The following SLC6A4 variants were observed in gnomAD, a reference collection of about 807,000 sequenced individuals.
SLC6A4 encodes sodium-dependent serotonin transporter.
SLC6A4 carries 22 observed loss-of-function variants against 73.4 expected under a neutral mutation model. The ratio of observed to expected loss-of-function variants is 0.30; its 90% confidence interval spans 0.21 to 0.43. The LOEUF (loss-of-function observed/expected upper bound fraction) is 0.43, where lower values mean the gene tolerates loss of function less well. SLC6A4 is among the 20% of genes least tolerant of loss of function. The pLI is 1.00. For missense variants in SLC6A4, 593 were observed against 808.5 expected (o/e 0.73, Z 3.23); for synonymous variants, 270 against 315.5 (o/e 0.86, Z 1.53).
Position 30,197,273 on chromosome 17 carries a change from C to T in SLC6A4, c.*1183G>A, listed in dbSNP as rs1905892381. ...CCTTAAAAATTATCTGGAGGGCTCACAATCGTGACCGCCAGCGAGCGGCGA... is the reference window on the plus strand; with the variant it reads ...CCTTAAAAATTATCTGGAGGGCTCATAATCGTGACCGCCAGCGAGCGGCGA... On this transcript the variant is annotated 3_prime_UTR_variant, in exon 15 of 15. Coordinates refer to ENST00000650711, the MANE Select transcript of SLC6A4 (RefSeq NM_001045.6). 1 of 152,366 alleles carries T rather than the reference C, an allele frequency of 6.6e-6. No individual in the cohort carries two copies. Among genetic ancestry groups the T allele is most frequent in the African/African-American group, 2.4e-5 (1 of 41,460 alleles). 9.4% of individuals were successfully genotyped at this position (152,366 alleles called of 1,614,324 possible).
At chr17:30,206,707 C>CTTTTCTTTTCTTTTTTTTTTTT (rs1906211549) in intron 13 of SLC6A4, among the ~76,000 whole-genome samples, 1 of 114,540 alleles carries the variant, frequency 8.7e-6, no homozygotes, top group Admixed American at 8.5e-5. Flanking sequence ...TTTTTCTTTT[C>CTTTTCTTTTCTTTTTTTTTTTT]TTTTCTTTTT....
intron 7 of SLC6A4, 114 bp downstream of exon 7, chr17:30,215,968 C>A: frequency 1.1e-6 from 1 of 947,418 alleles, no homozygotes; most frequent in Non-Finnish European, 1.6e-6. Flanking sequence ...AGTATCATTG[C>A]AGACTTGCAC....
chr17:30,221,544 C>T lies in SLC6A4; in HGVS notation c.343+72G>A, dbSNP rs558937349. On this transcript the variant is annotated intron_variant, in intron 3 of 14. Coordinates refer to ENST00000650711, the MANE Select transcript of SLC6A4 (RefSeq NM_001045.6). ...CAGCCCACCCGGGTCACAGCCCACC[C>T]CGGGTCACAGCCCACTCCGGGTCAC... 2.3e-5 allele frequency: 32 copies of T among 1,404,606 alleles called. No individual in the cohort carries two copies. In the South Asian group the frequency reaches 3.6e-4, roughly 16 times the overall value. The allele number at this position is 1,404,606 out of a possible 1,614,324, so 87.0% of individuals were successfully genotyped here.
chr17:30,204,911 A>G (rs974495629), intron 13 of SLC6A4, among the ~76,000 whole-genome samples: 8 of 152,146 alleles, frequency 5.3e-5, no homozygotes, highest in Admixed American at 6.5e-5. Flanking sequence ...GTGCATCAAG[A>G]GTGTACCCAG....
chr17:30,207,827 T>A lies in SLC6A4; in HGVS notation c.1555A>T (p.Thr519Ser), dbSNP rs776642079. 1.2e-6 allele frequency: 2 copies of A among 1,613,368 alleles called. No homozygotes were observed. The highest frequency in any genetic ancestry group is 2.2e-5 in the South Asian group (2 of 91,036). ...TCCTTCACGTCCCTGCAGAACTGAG[T>A]GATGCCTGGAACCGCCCAAGGGGAA... ...AVAVSWFYGI[T>S]QFCRDVKEML... The change falls in exon 13 of 15, where the codon ACT (threonine) becomes TCT (serine). Residue 519 changes from threonine (T) to serine (S), a missense_variant. Transcript: ENST00000650711.
intron 1 of SLC6A4, among the ~76,000 whole-genome samples, chr17:30,226,877 A>AAAAAAAAAAAAAAAAAG (rs965167639): frequency 8.3e-6 from 1 of 119,924 alleles, no homozygotes; most frequent in African/African-American, 3.3e-5. Context: ...TGTCTCAAAA[A>AAAAAAAAAAAAAAAAAG]AAAAAGAAAA....
chr17:30,229,091 G>T (rs553931054), intron 1 of SLC6A4, among the ~76,000 whole-genome samples: 1 of 152,170 alleles, frequency 6.6e-6, no homozygotes, highest in African/African-American at 2.4e-5. Context: ...CTCACCCATC[G>T]GGAAGATTGG....
rs1003468940 is a variant in SLC6A4 at position 30,196,472 on chromosome 17, T to A, written c.*1984A>T. 2 of 152,328 alleles carry A rather than the reference T, an allele frequency of 1.3e-5. No homozygotes were observed. Among genetic ancestry groups the A allele is most frequent in the Non-Finnish European group, 2.9e-5 (2 of 68,032 alleles). 9.4% of individuals were successfully genotyped at this position (152,328 alleles called of 1,614,324 possible). A position where few individuals can be genotyped will look rare whatever the true frequency, so the allele number is the denominator to read the frequency against. ...AATTCTGTTTGAAAAGGTGTTTTTTTAAAAGTAGTATATTTGAACAATGTC... is the reference window on the plus strand; with the variant it reads ...AATTCTGTTTGAAAAGGTGTTTTTTAAAAAGTAGTATATTTGAACAATGTC... On this transcript the variant is annotated 3_prime_UTR_variant, in exon 15 of 15. Coordinates refer to ENST00000650711, the MANE Select transcript of SLC6A4 (RefSeq NM_001045.6).
Position 30,212,831 on chromosome 17 carries a change from C to T in SLC6A4, c.1113G>A (p.Thr371=), listed in dbSNP as rs762579355. 3.7e-6 allele frequency: 6 copies of T among 1,614,100 alleles called. No individual in the cohort carries two copies. Among genetic ancestry groups the T allele is most frequent in the Non-Finnish European group, 5.1e-6 (6 of 1,179,990 alleles). The change falls in exon 9 of 15, where the codon ACG becomes ACA. Residue 371 remains threonine (T), a synonymous_variant. Coordinates refer to ENST00000650711, the MANE Select transcript of SLC6A4 (RefSeq NM_001045.6). ...AGATGACAAATCCCGAAACGAAGCTCGTCATGCAGTTCACCACGCTGGTCA... is the reference window on the plus strand; with the variant it reads ...AGATGACAAATCCCGAAACGAAGCTTGTCATGCAGTTCACCACGCTGGTCA... ...ALVTSVVNCM[T]SFVSGFVIFT...
At chr17:30,222,639 C>T (rs55910517) in intron 2 of SLC6A4, among the ~76,000 whole-genome samples, 180 bp downstream of exon 2, 54 of 152,344 alleles carry the variant, frequency 3.5e-4, no homozygotes, top group African/African-American at 1.3e-3. Flanking sequence ...AAAGGCCACC[C>T]TTCGTGAGGC....
intron 3 of SLC6A4, among the ~76,000 whole-genome samples, chr17:30,219,530 A>G (rs1309095186): frequency 3.3e-5 from 5 of 152,198 alleles, no homozygotes; most frequent in Non-Finnish European, 7.3e-5. Flanking sequence ...CATCAGTATT[A>G]TCTATGGCTC....
In SLC6A4 at chr17:30,221,918, G is replaced by A. The variant is rs763069645; in HGVS notation, c.41C>T (p.Ala14Val). The A allele has an allele frequency of 1.7e-5, 28 of 1,613,986 alleles. No homozygotes were observed. The highest frequency in any genetic ancestry group is 2.3e-5 in the Non-Finnish European group (27 of 1,180,028). The change falls in exon 3 of 15, where the codon GCG becomes GTG. Residue 14 changes from alanine (A) to valine (V), a missense_variant. By Grantham distance (64) the Ala-to-Val change is moderately conservative. Transcript: ENST00000650711. ...CTGACAATCTTCTCCATCTTCACAC[G>A]CTGATAGCTGCTTCTGAGAATTCAA... ...TPLNSQKQLS[A>V]CEDGEDCQEN...
chr17:30,208,539 G>A (rs540433569), intron 12 of SLC6A4, among the ~76,000 whole-genome samples: 2 of 152,140 alleles, frequency 1.3e-5, no homozygotes, highest in East Asian at 3.9e-4. Flanking sequence ...GAACTTGGTC[G>A]TCTGAATTGC....
intron 1 of SLC6A4, among the ~76,000 whole-genome samples, chr17:30,227,498 T>C (rs1906965219): frequency 1.3e-5 from 2 of 152,094 alleles, no homozygotes; most frequent in African/African-American, 4.8e-5. Flanking sequence ...TGTGTTGTTT[T>C]TTTAAGAGAC....
chr17:30,211,414 G>A lies in SLC6A4; in HGVS notation c.1215C>T (p.Leu405=), dbSNP rs1026526643. The A allele has an allele frequency of 1.2e-6, 2 of 1,611,754 alleles. No homozygotes were observed. The change falls in exon 10 of 15, where the codon CTC becomes CTT. Residue 405 remains leucine, a synonymous_variant. Transcript: ENST00000650711. The surrounding 1 kb of genome is among the most constrained non-coding windows in gnomAD (Gnocchi z 4.0). The part of the protein sequence containing the change: ...SEVAKDAGPS[L]LFITYAEAIA... ...TCGCTTCTGCATACGTGATGAAGAG[G>A]AGGCTGGGACCTGAGACAGAGGGGA...
chr17:30,231,288 T>C (rs1162714103), intron 1 of SLC6A4, among the ~76,000 whole-genome samples: 1 of 150,896 alleles, frequency 6.6e-6, no homozygotes, highest in East Asian at 1.9e-4. Flanking sequence ...ATATATATAG[T>C]ATATATATAC....
intron 14 of SLC6A4, among the ~76,000 whole-genome samples, chr17:30,200,261 G>A (rs954312495): frequency 2.7e-4 from 41 of 152,200 alleles, no homozygotes; most frequent in African/African-American, 9.4e-4. Context: ...TCTGTTTTCC[G>A]TGCTTTGCCA....
rs1906555992 is a variant in SLC6A4 at position 30,215,855 on chromosome 17, C to G, written c.973-141G>C. ...CTTTTAAGGCTCATTCCAGGCATAG[C>G]CATAAACCAAGTGCCAACAAATGTG... On this transcript the variant is annotated intron_variant, in intron 7 of 14. Transcript: ENST00000650711. The G allele has an allele frequency of 6.4e-6, 5 of 787,178 alleles. No individual in the cohort carries two copies. The Middle Eastern group carries it at 1.0e-3, about 164-fold the overall frequency. The allele number at this position is 787,178 out of a possible 1,614,324, so 48.8% of individuals were successfully genotyped here.
At chr17:30,225,983 T>A (rs1416422797) in intron 1 of SLC6A4, among the ~76,000 whole-genome samples, 1 of 152,230 alleles carries the variant, frequency 6.6e-6, no homozygotes, top group East Asian at 1.9e-4. Context: ...CATGTAATTA[T>A]CCCGATTGGT....
Sources: allele counts gnomAD v4.1 joint callset (sites outside exome capture counted in the v4.1 genomes callset), GRCh38; gene constraint gnomAD v4.1.1; non-coding constraint Gnocchi (gnomAD v3.1); transcripts MANE v1.5; gene names NCBI Gene and HGNC (gene_info 2026-07-23, HGNC 2026-07-21).